The following RNF214 variants were observed in gnomAD, a reference collection of about 807,000 sequenced individuals.
RNF214 encodes the protein ring finger protein 214.
In RNF214, 25 loss-of-function variants were observed where a neutral mutation model predicts 75.9. The observed-to-expected ratio is 0.33, with a 90% confidence interval of 0.24 to 0.46. The LOEUF is 0.46. Among genes scored for constraint, RNF214 ranks in the 20% least tolerant of loss-of-function variants. The pLI is 1.00. For missense variants in RNF214, 725 were observed against 857.5 expected (o/e 0.85, Z 1.93); for synonymous variants, 314 against 308.8 (o/e 1.02, Z -0.18).
chr11:117,238,701 T>C lies in RNF214; in HGVS notation c.208T>C (p.Ser70Pro). The change falls in exon 3 of 15, where the codon TCA becomes CCA. Residue 70 changes from serine to proline, a missense_variant. Around this residue, in one of 2 missense-constraint regions of RNF214, gnomAD observed 362 missense variants for 344.5 expected, o/e 1.05. Coordinates refer to ENST00000300650, the MANE Select transcript of RNF214 (RefSeq NM_207343.4). The part of the protein sequence containing the change: ...ENNRNVHLEH[S>P]EQNPGSSAGD... ...TAACAGAAATGTCCATTTGGAGCAC[T>C]CAGAGCAGAATCCTGGTTCATCAGC... is the stretch of plus-strand genomic sequence containing the variant. The C allele has an allele frequency of 6.2e-7, 1 of 1,614,188 alleles. No individual in the cohort carries two copies. Among genetic ancestry groups the C allele is most frequent in the East Asian group, 2.2e-5 (1 of 44,890 alleles).
intron 8 of RNF214, 45 bp from the exon 9 acceptor site, chr11:117,281,269 C>G (rs1422063950): frequency 7.2e-6 from 10 of 1,384,088 alleles, no homozygotes; most frequent in African/African-American, 1.4e-5. Flanking sequence ...CTGTTCCTAG[C>G]AGGGCTTTCT....
Position 117,282,390 on chromosome 11 carries a change from T to C in RNF214, c.1713-14T>C, listed in dbSNP as rs1291861329. The C allele has an allele frequency of 4.3e-6, 7 of 1,610,452 alleles. No individual in the cohort carries two copies. Among genetic ancestry groups the C allele is most frequent in the Non-Finnish European group, 5.9e-6 (7 of 1,177,670 alleles). ...AGCATAGGCTTTCTCTCCCTCAACA[T>C]TTTTTTTCCTCAGGGCCCAGATGAC... On this transcript the variant is annotated splice_polypyrimidine_tract_variant and intron_variant, in intron 11 of 14. Transcript: ENST00000300650.
In RNF214 at chr11:117,238,891, G is replaced by C; in HGVS notation, c.398G>C (p.Arg133Pro). 2 of 1,614,146 alleles carry C rather than the reference G, an allele frequency of 1.2e-6. No homozygotes were observed. Among genetic ancestry groups the C allele is most frequent in the Non-Finnish European group, 1.7e-6 (2 of 1,180,032 alleles). ...CGGGAGAGCCTCCATCCAGTCACTC[G>C]GTCTCTTAAGGCAGGGTGCCATACT... ...SLRESLHPVT[R>P]SLKAGCHTKQ... The change falls in exon 3 of 15, where the codon CGG becomes CCG. Residue 133 changes from arginine (R) to proline (P), a missense_variant. Physicochemically the swap from Arg to Pro is moderately radical, Grantham distance 103 (BLOSUM62 -2). Around this residue, in one of 2 missense-constraint regions of RNF214, gnomAD observed 362 missense variants for 344.5 expected, o/e 1.05. Transcript: ENST00000300650.
chr11:117,284,658 G>A (rs754425326), intron 14 of RNF214, among the ~76,000 whole-genome samples: 39 of 152,114 alleles, frequency 2.6e-4, no homozygotes, highest in Admixed American at 1.8e-3. Context: ...GGCCAGGCGC[G>A]GTGGCTCACA....
chr11:117,283,909 A>G (rs551140716), intron 14 of RNF214, among the ~76,000 whole-genome samples: 1 of 152,006 alleles, frequency 6.6e-6, no homozygotes, highest in Non-Finnish European at 1.5e-5. Flanking sequence ...CTCCTGCCTC[A>G]GCCTCCCAAA....
chr11:117,262,784 A>G (rs1398540405), intron 6 of RNF214, among the ~76,000 whole-genome samples: 3 of 151,644 alleles, frequency 2.0e-5, no homozygotes, highest in Non-Finnish European at 2.9e-5. Flanking sequence ...GAGGGATGTT[A>G]AAATCTCTAT....
At chr11:117,256,289 T>C (rs191570604) in intron 6 of RNF214, among the ~76,000 whole-genome samples, 95 of 152,360 alleles carry the variant, frequency 6.2e-4, no homozygotes, top group African/African-American at 2.1e-3. Flanking sequence ...GACAACTGTT[T>C]TGATTAGCTG....
At chr11:117,236,168 CCAGACTGGTCTTGAA>C (rs2032904428) in intron 2 of RNF214, among the ~76,000 whole-genome samples, 2 of 152,128 alleles carry the variant, frequency 1.3e-5, no homozygotes, top group East Asian at 3.9e-4. Flanking sequence ...ACCATGTTGA[CCAGACTGGTCTTGAA>C]CTCCTGACCT....
At chr11:117,242,101 C>T (rs2033096885) in intron 4 of RNF214, among the ~76,000 whole-genome samples, 1 of 152,168 alleles carries the variant, frequency 6.6e-6, no homozygotes, top group African/African-American at 2.4e-5. Context: ...GAACGTCACA[C>T]TTACCTTTGT....
chr11:117,279,852 C>T (rs2034091899), intron 6 of RNF214, 56 bp from the exon 7 acceptor site: 2 of 1,385,796 alleles, frequency 1.4e-6, no homozygotes, highest in African/African-American at 2.9e-5. Context: ...GCCCTGGTAT[C>T]TCTCAACAAG....
intron 2 of RNF214, among the ~76,000 whole-genome samples, chr11:117,235,439 G>A (rs899407011): frequency 6.7e-6 from 1 of 149,474 alleles, no homozygotes; most frequent in Non-Finnish European, 1.5e-5. Context: ...CTCGTGATCC[G>A]CCTGCCTCGG....
intron 6 of RNF214, among the ~76,000 whole-genome samples, chr11:117,271,043 G>T (rs2033900839): frequency 1.3e-5 from 2 of 152,076 alleles, no homozygotes; most frequent in African/African-American, 4.8e-5. Context: ...GGGATTACAG[G>T]TATGTGCCAC....
intron 6 of RNF214, among the ~76,000 whole-genome samples, chr11:117,247,675 A>G (rs893915204): frequency 6.6e-6 from 1 of 151,896 alleles, no homozygotes; most frequent in Non-Finnish European, 1.5e-5. Context: ...ATATGGTGAA[A>G]CCCCATCTCT....
Position 117,238,653 on chromosome 11 carries a change from A to G in RNF214, c.160A>G (p.Ser54Gly). The G allele has an allele frequency of 3.7e-6, 6 of 1,614,192 alleles. No individual in the cohort carries two copies. Among genetic ancestry groups the G allele is most frequent in the Non-Finnish European group, 5.1e-6 (6 of 1,180,012 alleles). Residue 54 changes from serine (S) to glycine (G), a missense_variant, in exon 3 of 15, where the codon AGC becomes GGC. This residue lies in a region of RNF214 where 362 missense variants were observed against 344.5 expected (regional missense o/e 1.05). Transcript: ENST00000300650. ...QKNSPLLSVS[S>G]QTITKENNRN... ...GAACTCGCCTCTGTTGAGTGTAAGT[A>G]GCCAAACAATAACCAAGGAGAATAA... is the stretch of plus-strand genomic sequence containing the variant.
intron 3 of RNF214, 175 bp downstream of exon 3, chr11:117,239,286 G>A: frequency 1.6e-6 from 1 of 626,332 alleles, no homozygotes; most frequent in South Asian, 2.1e-5. Flanking sequence ...TCATTCTGAT[G>A]TTCAGTAAAT....
intron 2 of RNF214, among the ~76,000 whole-genome samples, chr11:117,237,656 T>C (rs781752272): frequency 2.8e-4 from 43 of 152,030 alleles, no homozygotes; most frequent in Non-Finnish European, 5.1e-4. Context: ...TGAAACCCTG[T>C]CTCAAAAAAT....
intron 6 of RNF214, among the ~76,000 whole-genome samples, chr11:117,265,954 T>C (rs111476736): frequency 1.0e-3 from 153 of 152,336 alleles, no homozygotes; most frequent in African/African-American, 3.4e-3. Flanking sequence ...CCACTATAGA[T>C]TACACTTATC....
At chr11:117,263,643 G>T (rs1169169265) in intron 6 of RNF214, among the ~76,000 whole-genome samples, 2 of 152,192 alleles carry the variant, frequency 1.3e-5, no homozygotes, top group Non-Finnish European at 2.9e-5. Flanking sequence ...AGATTAAAGG[G>T]CCAGATGATT....
chr11:117,246,954 T>C lies in RNF214; in HGVS notation c.959+6T>C, dbSNP rs2033240814. The C allele has an allele frequency of 6.3e-7, 1 of 1,599,494 alleles. No individual in the cohort carries two copies. The highest frequency in any genetic ancestry group is 1.4e-5 in the African/African-American group (1 of 73,940). On this transcript the variant is annotated splice_donor_region_variant and intron_variant, in intron 6 of 14. Coordinates refer to ENST00000300650, the MANE Select transcript of RNF214 (RefSeq NM_207343.4). ...CTTTGTGAGAAGGGCAGAAGGTAACTGATGTTAAGAATAAAAACCCTGTGT... is the reference window on the plus strand; with the variant it reads ...CTTTGTGAGAAGGGCAGAAGGTAACCGATGTTAAGAATAAAAACCCTGTGT...
Sources: allele counts gnomAD v4.1 joint callset (sites outside exome capture counted in the v4.1 genomes callset), GRCh38; gene constraint gnomAD v4.1.1; regional missense constraint gnomAD v4.1.1; transcripts MANE v1.5; gene names NCBI Gene and HGNC (gene_info 2026-07-23, HGNC 2026-07-21).